Variants in B3GALT1 observed in about 807,000 individuals in gnomAD.
B3GALT1 encodes the protein beta-1,3-galactosyltransferase 1, also known as UDP-Gal:betaGlcNAc beta 1,3-galactosyltransferase, polypeptide 1.
B3GALT1 carries 10 observed loss-of-function variants against 23.2 expected under a neutral mutation model. That is an observed-to-expected ratio of 0.43 (90% confidence interval 0.27 to 0.73). The LOEUF is 0.73. Ranked by LOEUF, B3GALT1 falls within the 30% of genes least tolerant of loss-of-function variation. The pLI, the probability that B3GALT1 is intolerant of heterozygous loss-of-function variation, is 0.21. For missense variants in B3GALT1, 299 were observed against 405.4 expected, an observed-to-expected ratio of 0.74 and a Z score of 2.25; for synonymous variants, 156 against 141.5, an observed-to-expected ratio of 1.10 and a Z score of -0.73.
At chr2:167,506,435 C>G (rs1210593621) in intron 2 of B3GALT1, among the ~76,000 whole-genome samples, 1 of 152,128 alleles carries the variant, frequency 6.6e-6, no homozygotes, top group Non-Finnish European at 1.5e-5. Context: ...GATTACCACC[C>G]TAGAAATAGA....
At chr2:167,670,720 A>G (rs1051289372) in intron 3 of B3GALT1, among the ~76,000 whole-genome samples, 15 of 152,246 alleles carry the variant, frequency 9.9e-5, no homozygotes, top group Non-Finnish European at 7.3e-5. Context: ...AAAAAGAACC[A>G]AACAGAAATT....
intron 1 of B3GALT1, among the ~76,000 whole-genome samples, chr2:167,444,930 T>G (rs1698956983): frequency 6.6e-6 from 1 of 152,246 alleles, no homozygotes; most frequent in African/African-American, 2.4e-5. Context: ...TTGCTCTTGC[T>G]TCTCTAGTTC....
intron 3 of B3GALT1, among the ~76,000 whole-genome samples, chr2:167,811,609 C>T (rs1216074858): frequency 2.0e-5 from 3 of 152,038 alleles, no homozygotes. Context: ...CATTCAAGAT[C>T]TCATTGATCT....
intron 1 of B3GALT1, among the ~76,000 whole-genome samples, chr2:167,379,975 G>T (rs1697823191): frequency 6.6e-6 from 1 of 152,362 alleles, no homozygotes; most frequent in South Asian, 2.1e-4. Context: ...TAGGAAGAGT[G>T]TGGTGGCTCA....
At chr2:167,336,225 T>C (rs1697055825) in intron 1 of B3GALT1, among the ~76,000 whole-genome samples, 1 of 152,190 alleles carries the variant, frequency 6.6e-6, no homozygotes, top group Admixed American at 6.5e-5. Flanking sequence ...TACTGTTTTA[T>C]GTAATCTAAG....
intron 2 of B3GALT1, among the ~76,000 whole-genome samples, chr2:167,491,092 C>T (rs1349853046): frequency 6.6e-6 from 1 of 152,088 alleles, no homozygotes; most frequent in East Asian, 1.9e-4. Context: ...TGAGAACTCC[C>T]CATAATCTGA....
chr2:167,360,142 T>C (rs1465730690), intron 1 of B3GALT1, among the ~76,000 whole-genome samples: 2 of 152,194 alleles, frequency 1.3e-5, no homozygotes, highest in Non-Finnish European at 2.9e-5. Flanking sequence ...AATTAAAGTA[T>C]TACATATGGG....
chr2:167,739,635 C>T (rs574081050), intron 3 of B3GALT1, among the ~76,000 whole-genome samples: 9 of 152,162 alleles, frequency 5.9e-5, no homozygotes, highest in South Asian at 4.2e-4. Flanking sequence ...CTCTACCTAA[C>T]GTATTATGTA....
At chr2:167,687,032 A>G (rs1686627918) in intron 3 of B3GALT1, among the ~76,000 whole-genome samples, 1 of 152,176 alleles carries the variant, frequency 6.6e-6, no homozygotes, top group Non-Finnish European at 1.5e-5. Flanking sequence ...GGTGTGTTTC[A>G]GAGGTCTCAA....
rs1401936223 is a variant in B3GALT1, at chr2:167,563,889, G to A, written c.-410+73612G>A. 8.9e-3 allele frequency among the ~76,000 whole-genome samples: 49 copies of A among 5,520 alleles called. 3 individuals are homozygous for A. The highest frequency in any genetic ancestry group is 0.018 in the African/African-American group (34 of 1,880). The allele number at this position is 5,520 out of a possible 152,430, so 3.6% of individuals were successfully genotyped here. A position where few individuals can be genotyped will look rare whatever the true frequency, so the allele number is the denominator to read the frequency against. ...GCGCCCCTCATCTGCCGGACGGGGC[G>A]GCCGGCCGGGCGGGGCCGATCCCCC... On this transcript the variant is annotated intron_variant, in intron 2 of 4. Transcript: ENST00000392690.
intron 3 of B3GALT1, among the ~76,000 whole-genome samples, chr2:167,690,680 G>C (rs4667962): frequency 0.21 from 31,689 of 152,038 alleles, 3,924 homozygotes; most frequent in Admixed American, 0.29. Context: ...AGCTGAAATA[G>C]TTTTATTGAG....
chr2:167,755,778 G>A (rs1687805990), intron 3 of B3GALT1, among the ~76,000 whole-genome samples: 1 of 151,508 alleles, frequency 6.6e-6, no homozygotes, highest in African/African-American at 2.4e-5. Flanking sequence ...GACCAGGCTG[G>A]GCAACACAAT....
chr2:167,532,797 A>G (rs1476954650), intron 2 of B3GALT1, among the ~76,000 whole-genome samples: 1 of 149,986 alleles, frequency 6.7e-6, no homozygotes, highest in Non-Finnish European at 1.5e-5. Flanking sequence ...TAGCTTTCTT[A>G]GAGTATTTTA....
chr2:167,666,463 G>C (rs957649951), intron 3 of B3GALT1, among the ~76,000 whole-genome samples: 3 of 151,974 alleles, frequency 2.0e-5, no homozygotes, highest in Admixed American at 1.3e-4. Context: ...ATGTCTGTTA[G>C]GTCCGCTTGG....
chr2:167,825,112 C>T lies in B3GALT1; in HGVS notation c.-230+6319C>T, dbSNP rs529767237. ...CATCCTGGCTAACACGATGAAACCC[C>T]GTCTCTATTAAAAATACAAAAAATT... On this transcript the variant is annotated intron_variant, in intron 4 of 4. Transcript: ENST00000392690. Among the ~76,000 whole-genome samples the T allele has an allele frequency of 4.6e-5, 7 of 151,804 alleles. No homozygotes were observed. In the East Asian group the frequency reaches 9.7e-4, roughly 21 times the overall value.
At chr2:167,309,758 T>G (rs1696610334) in intron 1 of B3GALT1, among the ~76,000 whole-genome samples, 1 of 152,088 alleles carries the variant, frequency 6.6e-6, no homozygotes, top group South Asian at 2.1e-4. Context: ...ACAAAGTTAA[T>G]AATATGGTAC....
At chr2:167,641,584 C>T (rs368298447) in intron 2 of B3GALT1, among the ~76,000 whole-genome samples, 3 of 152,176 alleles carry the variant, frequency 2.0e-5, no homozygotes, top group African/African-American at 4.8e-5. Flanking sequence ...ATTTTTATTA[C>T]ACAATCACTG....
chr2:167,579,838 A>G (rs1272132326), intron 2 of B3GALT1, among the ~76,000 whole-genome samples: 1 of 151,910 alleles, frequency 6.6e-6, no homozygotes, highest in African/African-American at 2.4e-5. Context: ...AAAGTCCCTC[A>G]CCTTTACACA....
intron 1 of B3GALT1, among the ~76,000 whole-genome samples, chr2:167,466,938 A>G (rs1307821757): frequency 3.7e-5 from 5 of 134,960 alleles, no homozygotes; most frequent in Non-Finnish European, 7.8e-5. Flanking sequence ...CATGTTGCCC[A>G]GGTGGTCTCA....
Sources: allele counts gnomAD v4.1 joint callset (sites outside exome capture counted in the v4.1 genomes callset), GRCh38; gene constraint gnomAD v4.1.1; transcripts MANE v1.5; gene names NCBI Gene and HGNC (gene_info 2026-07-23, HGNC 2026-07-21).